The following CLSTN2 variants were observed in gnomAD, a reference collection of about 807,000 sequenced individuals.
CLSTN2 encodes calsyntenin-2.
A neutral mutation model predicts 101.2 loss-of-function variants in CLSTN2; 48 were observed. That is an observed-to-expected ratio of 0.47 (90% CI 0.38 to 0.60). The LOEUF (loss-of-function observed/expected upper bound fraction) is 0.60, where lower values mean the gene tolerates loss of function less well. Ranked by LOEUF, CLSTN2 falls within the 20% of genes least tolerant of loss-of-function variation. CLSTN2 has a pLI of 0.00. For missense variants in CLSTN2, 1,160 were observed against 1,238.2 expected, an observed-to-expected ratio of 0.94 and a Z score of 0.95; for synonymous variants, 481 against 463.6, an observed-to-expected ratio of 1.04 and a Z score of -0.48.
Position 140,577,085 on chromosome 3 carries a change from T to C in CLSTN2, c.*10832T>C, listed in dbSNP as rs1200200104. 6.6e-6 allele frequency: 1 copy of C among 152,188 alleles called. No homozygotes were observed. The highest frequency in any genetic ancestry group is 1.5e-5 in the Non-Finnish European group (1 of 68,026). 9.4% of individuals were successfully genotyped at this position (152,188 alleles called of 1,614,324 possible). On this transcript the variant is annotated 3_prime_UTR_variant, in exon 17 of 17. Coordinates refer to ENST00000458420, the MANE Select transcript of CLSTN2 (RefSeq NM_022131.3). ...CTGAGCTGTCATATCCAATTCAGAC[T>C]GACACAGAGTGAGGGGCGCTGAGAG...
chr3:140,074,849 C>T (rs1012713421), intron 1 of CLSTN2, among the ~76,000 whole-genome samples: 2 of 152,264 alleles, frequency 1.3e-5, no homozygotes, highest in Admixed American at 6.5e-5. Flanking sequence ...GTGACCTACC[C>T]CCACTGCAAT....
chr3:140,012,158 T>G (rs2194938), intron 1 of CLSTN2, among the ~76,000 whole-genome samples: 113,059 of 151,648 alleles, frequency 0.75, 42,953 homozygotes, highest in Non-Finnish European at 0.82. Flanking sequence ...TGTGAGGCAG[T>G]ACAGAGCGGG....
intron 6 of CLSTN2, among the ~76,000 whole-genome samples, chr3:140,453,822 AT>A (rs1020341924): frequency 4.6e-5 from 7 of 152,052 alleles, no homozygotes; most frequent in African/African-American, 1.5e-4. Flanking sequence ...TTATAATGCA[AT>A]TTTTTTTAGG....
At chr3:140,494,204 C>T (rs951424423) in intron 8 of CLSTN2, among the ~76,000 whole-genome samples, 1 of 152,190 alleles carries the variant, frequency 6.6e-6, no homozygotes, top group Non-Finnish European at 1.5e-5. Context: ...ATTCAGGGTG[C>T]AAAGCATATA....
intron 16 of CLSTN2, among the ~76,000 whole-genome samples, chr3:140,565,802 T>C (rs543524278): frequency 6.6e-6 from 1 of 152,360 alleles, no homozygotes; most frequent in Admixed American, 6.5e-5. Context: ...CCATCATTTA[T>C]ACCCAACAGT....
At chr3:140,210,450 A>G (rs2010841170) in intron 2 of CLSTN2, among the ~76,000 whole-genome samples, 1 of 152,176 alleles carries the variant, frequency 6.6e-6, no homozygotes, top group Non-Finnish European at 1.5e-5. Flanking sequence ...GTTTGTCACC[A>G]ATGAGCTATT....
chr3:140,548,203 G>T (rs1448991896), intron 10 of CLSTN2, among the ~76,000 whole-genome samples: 1 of 152,178 alleles, frequency 6.6e-6, no homozygotes, highest in Non-Finnish European at 1.5e-5. Flanking sequence ...TTCTGTTATA[G>T]GCTAGTTTCT....
intron 5 of CLSTN2, among the ~76,000 whole-genome samples, chr3:140,421,789 G>A (rs1009092670): frequency 1.3e-5 from 2 of 152,190 alleles, no homozygotes; most frequent in Non-Finnish European, 2.9e-5. Flanking sequence ...GCTTTGGATG[G>A]AGGTGGATTT....
intron 8 of CLSTN2, among the ~76,000 whole-genome samples, chr3:140,490,141 CA>C (rs1934325195): frequency 9.1e-6 from 1 of 110,118 alleles, no homozygotes; most frequent in Non-Finnish European, 1.7e-5. Context: ...CACACACACA[CA>C]CACACACACA....
intron 2 of CLSTN2, among the ~76,000 whole-genome samples, chr3:140,307,030 C>T (rs1310059674): frequency 1.3e-5 from 2 of 151,918 alleles, no homozygotes; most frequent in Non-Finnish European, 2.9e-5. Context: ...GTGTTGTTCT[C>T]ATGATAGTGA....
intron 1 of CLSTN2, among the ~76,000 whole-genome samples, chr3:139,958,427 A>G (rs1393490532): frequency 6.6e-6 from 1 of 152,152 alleles, no homozygotes; most frequent in African/African-American, 2.4e-5. Context: ...CCTCTGCCTC[A>G]GTGATTACTT....
At chr3:140,349,705 C>T (rs1458728543) in intron 2 of CLSTN2, among the ~76,000 whole-genome samples, 1 of 152,174 alleles carries the variant, frequency 6.6e-6, no homozygotes, top group African/African-American at 2.4e-5. Context: ...AATTATAAGG[C>T]AACAGGACCC....
At chr3:140,012,016 C>A (rs972261799) in intron 1 of CLSTN2, among the ~76,000 whole-genome samples, 1 of 152,134 alleles carries the variant, frequency 6.6e-6, no homozygotes, top group Non-Finnish European at 1.5e-5. Flanking sequence ...GTGCAGGAAA[C>A]CCTGAAGAAG....
intron 1 of CLSTN2, among the ~76,000 whole-genome samples, chr3:139,979,687 G>A (rs1935883562): frequency 6.6e-6 from 1 of 152,124 alleles, no homozygotes; most frequent in African/African-American, 2.4e-5. Flanking sequence ...AGAAGATTTA[G>A]CTGTGTGCAT....
intron 1 of CLSTN2, among the ~76,000 whole-genome samples, chr3:140,100,013 C>T (rs1159800740): frequency 3.9e-5 from 6 of 152,154 alleles, no homozygotes; most frequent in African/African-American, 1.4e-4. Flanking sequence ...TCCTCTTTCT[C>T]CTTCGTTTTC....
intron 4 of CLSTN2, among the ~76,000 whole-genome samples, chr3:140,413,875 A>G (rs1384432129): frequency 1.3e-5 from 2 of 152,152 alleles, no homozygotes; most frequent in Non-Finnish European, 2.9e-5. Context: ...TTCTCAACAA[A>G]TAATGTATAG....
rs553761445 is a variant in CLSTN2 at position 140,378,304 on chromosome 3, G to T, written c.233-25325G>T. Among the ~76,000 whole-genome samples the T allele has an allele frequency of 7.9e-5, 12 of 152,336 alleles. No individual in the cohort carries two copies. In the South Asian group the frequency reaches 2.3e-3, roughly 29 times the overall value. On this transcript the variant is annotated intron_variant, in intron 2 of 16. Coordinates refer to ENST00000458420, the MANE Select transcript of CLSTN2 (RefSeq NM_022131.3). ...CACCTACTCTGGATGACATGTAGTA[G>T]ATGCTCAGTAAATATTTGATGAATA...
chr3:140,361,165 T>C (rs1035608423), intron 2 of CLSTN2, among the ~76,000 whole-genome samples: 6 of 152,174 alleles, frequency 3.9e-5, no homozygotes, highest in African/African-American at 1.4e-4. Context: ...CATGACCAAG[T>C]TGGATTCAGC....
At chr3:140,354,217 A>G (rs1056147933) in intron 2 of CLSTN2, among the ~76,000 whole-genome samples, 1 of 152,204 alleles carries the variant, frequency 6.6e-6, no homozygotes, top group African/African-American at 2.4e-5. Context: ...CTGGTTCCAT[A>G]GGATGTTACC....
Sources: allele counts gnomAD v4.1 joint callset (sites outside exome capture counted in the v4.1 genomes callset), GRCh38; gene constraint gnomAD v4.1.1; transcripts MANE v1.5; gene names NCBI Gene and HGNC (gene_info 2026-07-23, HGNC 2026-07-21).